Variants in NT5M observed in about 807,000 individuals in gnomAD.
NT5M encodes 5'(3')-deoxyribonucleotidase, mitochondrial.
In NT5M, 22 loss-of-function variants were observed where a neutral mutation model predicts 22.2. That is an observed-to-expected ratio of 0.99 (90% CI 0.71 to 1.41). The LOEUF (loss-of-function observed/expected upper bound fraction) is 1.41, where lower values mean the gene tolerates loss of function less well. Among genes scored for constraint, NT5M ranks in the 40% most tolerant of loss-of-function variants. The probability of loss-of-function intolerance (pLI) is 0.00; values close to 1 mark genes in which losing one functional copy is unlikely to be tolerated. For synonymous variants in NT5M, 167 were observed against 133.0 expected (o/e 1.26, Z -1.76); for missense variants, 322 against 314.8 (o/e 1.02, Z -0.17).
intron 1 of NT5M, among the ~76,000 whole-genome samples, chr17:17,306,046 T>C (rs1771721223): frequency 1.3e-5 from 2 of 152,176 alleles, no homozygotes; most frequent in African/African-American, 4.8e-5. Context: ...AGAGCTCTTC[T>C]GGTTAATGTG....
At chr17:17,303,885 G>A in intron 1 of NT5M, 68 bp downstream of exon 1, 1 of 1,313,506 alleles carries the variant, frequency 7.6e-7, no homozygotes, top group Non-Finnish European at 9.7e-7. Flanking sequence ...CCGCCCCTGC[G>A]CCGGTGACCT....
chr17:17,325,286 C>A (rs77097244), intron 3 of NT5M, among the ~76,000 whole-genome samples: 2 of 152,174 alleles, frequency 1.3e-5, no homozygotes, highest in Non-Finnish European at 2.9e-5. Context: ...AGCTGTCCCA[C>A]CTGCGTTGCC....
At chr17:17,341,376 A>T (rs757639569) in intron 3 of NT5M, among the ~76,000 whole-genome samples, 1 of 152,208 alleles carries the variant, frequency 6.6e-6, no homozygotes, top group Non-Finnish European at 1.5e-5. Context: ...TCACAGTGGA[A>T]GTCACTGGCT....
chr17:17,323,258 T>C lies in NT5M; in HGVS notation c.429+13T>C. 6.2e-7 allele frequency: 1 copy of C among 1,611,066 alleles called. No individual in the cohort carries two copies. Among genetic ancestry groups the C allele is most frequent in the Non-Finnish European group, 8.5e-7 (1 of 1,177,178 alleles). On this transcript the variant is annotated intron_variant, in intron 3 of 4. Coordinates refer to ENST00000389022, the MANE Select transcript of NT5M (RefSeq NM_020201.4). ...TCCCTATGAGAAGGTAAGGCGTGCG[T>C]CTGCTCAGCTGAGCCCTTACCCCAT...
intron 1 of NT5M, among the ~76,000 whole-genome samples, chr17:17,305,646 G>A (rs1044981175): frequency 1.3e-5 from 2 of 152,052 alleles, no homozygotes; most frequent in Admixed American, 6.6e-5. Context: ...GTAGTGTGCA[G>A]AACAGCTGGT....
At chr17:17,328,456 C>T (rs1168649988) in intron 3 of NT5M, among the ~76,000 whole-genome samples, 1 of 152,138 alleles carries the variant, frequency 6.6e-6, no homozygotes, top group Non-Finnish European at 1.5e-5. Flanking sequence ...CGTTTGTGCC[C>T]CTCCCAACCC....
In NT5M at chr17:17,346,911, C is replaced by G. The variant is rs765554007; in HGVS notation, c.651C>G (p.Asp217Glu). The G allele has an allele frequency of 6.2e-7, 1 of 1,611,486 alleles. No homozygotes were observed. The highest frequency in any genetic ancestry group is 8.5e-7 in the Non-Finnish European group (1 of 1,179,952). Residue 217 changes from aspartate to glutamate, a missense_variant, in exon 5 of 5, where the codon GAC (aspartate) becomes GAG (glutamate). Asp to Glu is a conservative substitution (Grantham distance 45). Coordinates refer to ENST00000389022, the MANE Select transcript of NT5M (RefSeq NM_020201.4). ...PRRRLHSWAD[D>E]WKAILDSKRP... is the part of the protein sequence containing the mutation. The stretch of plus-strand genomic sequence containing the variant: ...GCAGGCTGCACTCGTGGGCGGACGA[C>G]TGGAAGGCCATTCTGGACAGCAAGC...
chr17:17,333,723 C>G (rs1357976219), intron 3 of NT5M: 1 of 152,256 alleles, frequency 6.6e-6, no homozygotes, highest in African/African-American at 2.4e-5. Context: ...ACAGCGTGAT[C>G]TCGGCTCACT....
intron 3 of NT5M, among the ~76,000 whole-genome samples, chr17:17,337,257 G>A (rs1681315841): frequency 6.6e-6 from 1 of 151,972 alleles, no homozygotes; most frequent in Admixed American, 6.6e-5. Flanking sequence ...GTTTTGTGTT[G>A]TTGAGACAGG....
chr17:17,323,123 G>GA (rs1393548520), intron 2 of NT5M, 62 bp from the exon 3 acceptor site: 1 of 1,392,892 alleles, frequency 7.2e-7, no homozygotes, highest in African/African-American at 1.4e-5. Flanking sequence ...GGCAGGTGGT[G>GA]AAGGCCTCGG....
intron 2 of NT5M, among the ~76,000 whole-genome samples, chr17:17,319,213 G>A (rs377383348): frequency 4.0e-4 from 53 of 133,166 alleles, no homozygotes; most frequent in South Asian, 7.5e-4. Flanking sequence ...CCTCGTCTTA[G>A]AAAAAAAAAA....
Position 17,347,116 on chromosome 17 carries a change from C to G in NT5M, c.*169C>G. ...CAGCCCTGCCAGGCCTTAACCTGAT[C>G]ACGGGGCAGGGCTGGGCCCTCTGGG... On this transcript the variant is annotated 3_prime_UTR_variant, in exon 5 of 5. Coordinates refer to ENST00000389022, the MANE Select transcript of NT5M (RefSeq NM_020201.4). The G allele has an allele frequency of 1.1e-6, 1 of 891,648 alleles. No homozygotes were observed. Among genetic ancestry groups the G allele is most frequent in the Admixed American group, 2.9e-5 (1 of 34,512 alleles). 55.2% of individuals were successfully genotyped at this position (891,648 alleles called of 1,614,324 possible).
At position 17,306,763 on chromosome 17, in the gene NT5M, G is replaced by A. The variant is rs549436315; in HGVS notation, c.368+120G>A. The A allele has an allele frequency of 2.4e-5, 17 of 713,848 alleles. 1 individual carries two copies. The East Asian group carries it at 2.8e-4, about 12-fold the overall frequency. The allele number at this position is 713,848 out of a possible 1,614,324, so 44.2% of individuals were successfully genotyped here. A position where few individuals can be genotyped will look rare whatever the true frequency, so the allele number is the denominator to read the frequency against. ...TTCTCTCTCCTTGGCCCTGCGCAAG[G>A]CTGCACTTGCCTCGTCATTGCTGAG... is the stretch of plus-strand genomic sequence containing the variant. On this transcript the variant is annotated intron_variant, in intron 2 of 4. Coordinates refer to ENST00000389022, the MANE Select transcript of NT5M (RefSeq NM_020201.4).
intron 3 of NT5M, among the ~76,000 whole-genome samples, chr17:17,325,058 C>T (rs2049236823): frequency 6.6e-6 from 1 of 151,230 alleles, no homozygotes; most frequent in Admixed American, 6.6e-5. Context: ...CACCCTACAC[C>T]TTCTGAATCA....
intron 3 of NT5M, among the ~76,000 whole-genome samples, chr17:17,324,922 A>G (rs945937980): frequency 4.6e-5 from 7 of 152,178 alleles, no homozygotes; most frequent in Admixed American, 3.3e-4. Context: ...ACCTGCAGCC[A>G]GTAAATGTGG....
At chr17:17,307,771 G>A (rs984556138) in intron 2 of NT5M, among the ~76,000 whole-genome samples, 1 of 152,106 alleles carries the variant, frequency 6.6e-6, no homozygotes, top group Admixed American at 6.6e-5. Context: ...CAGGATAATT[G>A]TTTGAACCCA....
intron 2 of NT5M, among the ~76,000 whole-genome samples, chr17:17,308,457 G>T (rs1477591124): frequency 1.3e-5 from 2 of 151,594 alleles, no homozygotes; most frequent in Non-Finnish European, 2.9e-5. Context: ...CTGGGCGTGG[G>T]GGCGGGTGCC....
chr17:17,307,577 C>G lies in NT5M; in HGVS notation c.368+934C>G, dbSNP rs1442734932. Among the ~76,000 whole-genome samples the G allele has an allele frequency of 3.7e-5, 3 of 81,992 alleles. No homozygotes were observed. In the Admixed American group the frequency reaches 4.2e-4, roughly 11 times the overall value. The allele number at this position is 81,992 out of a possible 152,430, so 53.8% of individuals were successfully genotyped here. On this transcript the variant is annotated intron_variant, in intron 2 of 4. Coordinates refer to ENST00000389022, the MANE Select transcript of NT5M (RefSeq NM_020201.4). Reference sequence around the variant, plus strand: ...CAACATGATGAAACCCTGCCTCAGCCAGGTACGGTGGTTCACGCCTGTAAT... The same window carrying G: ...CAACATGATGAAACCCTGCCTCAGCGAGGTACGGTGGTTCACGCCTGTAAT...
At chr17:17,310,258 A>G (rs1039796813) in intron 2 of NT5M, among the ~76,000 whole-genome samples, 1 of 152,214 alleles carries the variant, frequency 6.6e-6, no homozygotes, top group Non-Finnish European at 1.5e-5. Context: ...CAAGTTAACA[A>G]TGAAAAAAAG....
Sources: allele counts gnomAD v4.1 joint callset (sites outside exome capture counted in the v4.1 genomes callset), GRCh38; gene constraint gnomAD v4.1.1; transcripts MANE v1.5; gene names NCBI Gene and HGNC (gene_info 2026-07-23, HGNC 2026-07-21).